SLC24A3: variants seen among roughly 807,000 people sequenced by gnomAD.
SLC24A3 encodes the protein solute carrier family 24 member 3.
A neutral mutation model predicts 75.8 loss-of-function variants in SLC24A3; 28 were observed. The observed-to-expected ratio is 0.37, with a 90% CI of 0.27 to 0.51. The LOEUF (loss-of-function observed/expected upper bound fraction) is 0.51, where lower values mean the gene tolerates loss of function less well. Among genes scored for constraint, SLC24A3 ranks in the 20% least tolerant of loss-of-function variants. The pLI is 0.94. For synonymous variants in SLC24A3, 372 were observed against 334.1 expected, an observed-to-expected ratio of 1.11 and a Z score of -1.24; for missense variants, 663 against 847.8, an observed-to-expected ratio of 0.78 and a Z score of 2.71.
chr20:19,422,397 A>G (rs1028096169), intron 2 of SLC24A3, among the ~76,000 whole-genome samples: 2 of 152,068 alleles, frequency 1.3e-5, no homozygotes, highest in African/African-American at 2.4e-5. Context: ...TGGGAGAGCA[A>G]GCAGTTACGG....
chr20:19,672,730 A>C (rs997345494), intron 8 of SLC24A3, among the ~76,000 whole-genome samples: 24 of 152,076 alleles, frequency 1.6e-4, no homozygotes, highest in Admixed American at 9.8e-4. Flanking sequence ...CCAGCTTTTC[A>C]CTTTTTTATA....
chr20:19,599,056 C>T (rs1425368082), intron 6 of SLC24A3, among the ~76,000 whole-genome samples: 5 of 152,154 alleles, frequency 3.3e-5, no homozygotes, highest in Admixed American at 2.6e-4. Context: ...CTCGTTTAAT[C>T]TTTGTATCAA....
chr20:19,314,489 A>AT (rs1006442510), intron 2 of SLC24A3, among the ~76,000 whole-genome samples: 1 of 151,236 alleles, frequency 6.6e-6, no homozygotes, highest in African/African-American at 2.4e-5. Flanking sequence ...TAATTTTTGT[A>AT]TTTTTTATAG....
intron 9 of SLC24A3, among the ~76,000 whole-genome samples, 197 bp downstream of exon 9, chr20:19,673,851 A>T (rs1322425012): frequency 6.6e-6 from 1 of 152,196 alleles, no homozygotes; most frequent in Non-Finnish European, 1.5e-5. Context: ...TCCAGCCCAT[A>T]TTTGATGATA....
intron 7 of SLC24A3, among the ~76,000 whole-genome samples, chr20:19,663,436 CCTTCTCA>C (rs2032358480): frequency 6.9e-5 from 1 of 14,566 alleles, no homozygotes; most frequent in African/African-American, 1.1e-3. Flanking sequence ...TCCTCCTCCG[CCTTCTCA>C]TCCTCCTCCA....
chr20:19,673,833 G>A (rs1332113388), intron 9 of SLC24A3, among the ~76,000 whole-genome samples, 179 bp downstream of exon 9: 1 of 152,172 alleles, frequency 6.6e-6, no homozygotes, highest in Non-Finnish European at 1.5e-5. Flanking sequence ...ATCAATTGTA[G>A]TGACCCTTCC....
At chr20:19,533,468 C>T (rs557119078) in intron 3 of SLC24A3, among the ~76,000 whole-genome samples, 4 of 152,286 alleles carry the variant, frequency 2.6e-5, no homozygotes, top group Admixed American at 6.5e-5. Context: ...ATTCCATGGC[C>T]GTCTTTGAAA....
intron 3 of SLC24A3, among the ~76,000 whole-genome samples, chr20:19,549,063 G>C (rs1034966692): frequency 4.6e-5 from 7 of 152,166 alleles, no homozygotes; most frequent in African/African-American, 1.7e-4. Flanking sequence ...CAGCCAGCAG[G>C]AATAAAACAC....
chr20:19,348,872 G>A (rs756299191), intron 2 of SLC24A3, among the ~76,000 whole-genome samples: 6 of 152,116 alleles, frequency 3.9e-5, no homozygotes, highest in Non-Finnish European at 8.8e-5. Flanking sequence ...TCTCCATTGT[G>A]TATCTGCTTC....
chr20:19,429,817 G>T (rs1377242425), intron 2 of SLC24A3, among the ~76,000 whole-genome samples: 1 of 152,170 alleles, frequency 6.6e-6, no homozygotes. Flanking sequence ...CTTCAGTGTT[G>T]CTGATTATGC....
intron 2 of SLC24A3, among the ~76,000 whole-genome samples, chr20:19,391,066 G>A (rs911568604): frequency 1.3e-5 from 2 of 152,194 alleles, no homozygotes; most frequent in Admixed American, 6.5e-5. Context: ...TGAGATCAGC[G>A]GCTTTGGGAC....
intron 2 of SLC24A3, among the ~76,000 whole-genome samples, chr20:19,476,628 T>C (rs1436281044): frequency 6.6e-6 from 1 of 152,212 alleles, no homozygotes; most frequent in Non-Finnish European, 1.5e-5. Context: ...AGGACTAGCA[T>C]TCAAAATATG....
At chr20:19,584,563 A>G (rs555427382) in intron 4 of SLC24A3, among the ~76,000 whole-genome samples, 203 of 152,338 alleles carry the variant, frequency 1.3e-3, no homozygotes, top group South Asian at 2.5e-3. Context: ...AAAGAGGTGA[A>G]TGCCCCCACC....
intron 3 of SLC24A3, among the ~76,000 whole-genome samples, chr20:19,545,167 C>T (rs1204359599): frequency 2.6e-5 from 4 of 152,142 alleles, no homozygotes; most frequent in South Asian, 4.1e-4. Context: ...ATGCATGAAG[C>T]GGCTCTTAAC....
chr20:19,227,584 AAATTT>A (rs1213012988), intron 1 of SLC24A3, among the ~76,000 whole-genome samples: 14 of 152,320 alleles, frequency 9.2e-5, no homozygotes, highest in Admixed American at 5.9e-4. Flanking sequence ...CATAAGATTA[AAATTT>A]AATTTAAACA....
chr20:19,233,871 C>A (rs1600385960), intron 1 of SLC24A3, among the ~76,000 whole-genome samples: 1 of 152,144 alleles, frequency 6.6e-6, no homozygotes, highest in African/African-American at 2.4e-5. Flanking sequence ...TTCTCAGTTT[C>A]TTTATCTATA....
At chr20:19,560,900 A>C (rs2030864947) in intron 3 of SLC24A3, among the ~76,000 whole-genome samples, 1 of 152,188 alleles carries the variant, frequency 6.6e-6, no homozygotes, top group African/African-American at 2.4e-5. Context: ...AATCCAAACA[A>C]ATAATTTCTC....
rs556288017 is a variant in SLC24A3, at chr20:19,267,620, A to C, written c.143-13339A>C. 5.3e-5 allele frequency among the ~76,000 whole-genome samples: 8 copies of C among 152,282 alleles called. No homozygotes were observed. The South Asian group carries it at 1.7e-3, about 32-fold the overall frequency. On this transcript the variant is annotated intron_variant, in intron 1 of 16. Coordinates refer to ENST00000328041, the MANE Select transcript of SLC24A3 (RefSeq NM_020689.4). Reference sequence around the variant, plus strand: ...ATCAGGTTATGTAATTTTGATTCCAAATTTTTAAGTGGAACATACACGTTT... The same window carrying C: ...ATCAGGTTATGTAATTTTGATTCCACATTTTTAAGTGGAACATACACGTTT...
chr20:19,545,763 G>A (rs2030578331), intron 3 of SLC24A3, among the ~76,000 whole-genome samples: 1 of 151,466 alleles, frequency 6.6e-6, no homozygotes, highest in Non-Finnish European at 1.5e-5. Flanking sequence ...TCAAAGAACA[G>A]TGTAAGTTTT....
Sources: gnomAD v4.1 joint callset for allele counts (sites outside exome capture counted in the v4.1 genomes callset) on GRCh38, gnomAD v4.1.1 for gene constraint, MANE v1.5 for transcripts, NCBI Gene and HGNC (gene_info 2026-07-23, HGNC 2026-07-21) for gene names.